The following KCNQ5 variants were observed in gnomAD, a reference collection of about 807,000 sequenced individuals.
The protein encoded by KCNQ5 is potassium voltage-gated channel subfamily Q member 5.
A neutral mutation model predicts 98.2 loss-of-function variants in KCNQ5; 30 were observed. The observed-to-expected ratio is 0.31, with a 90% CI of 0.23 to 0.41. The LOEUF is 0.41. Among genes scored for constraint, KCNQ5 ranks in the 10% least tolerant of loss-of-function variants. The probability of loss-of-function intolerance (pLI) is 1.00; values close to 1 mark genes in which losing one functional copy is unlikely to be tolerated. For missense variants in KCNQ5, 835 were observed against 1,182.5 expected, an observed-to-expected ratio of 0.71 and a Z score of 4.31; for synonymous variants, 458 against 449.4, an observed-to-expected ratio of 1.02 and a Z score of -0.24.
rs556635430 is a variant in KCNQ5, at chr6:73,010,834, T to TA, written c.489+6837dup. Among the ~76,000 whole-genome samples, 16 of 152,136 alleles carry TA rather than the reference T, an allele frequency of 1.1e-4. No individual in the cohort carries two copies. In the East Asian group the frequency reaches 2.3e-3, roughly 22 times the overall value. ...CTTAACCAAGGAGATGAAGAACTTG[T>TA]ACAATGAAAACTACAATAACATTGC... On this transcript the variant is annotated intron_variant, in intron 2 of 13. Transcript: ENST00000370398.
chr6:72,828,630 T>C (rs1489865881), intron 1 of KCNQ5, among the ~76,000 whole-genome samples: 1 of 152,126 alleles, frequency 6.6e-6, no homozygotes, highest in African/African-American at 2.4e-5. Context: ...GTAGAGCCTT[T>C]AATTTTTCTT....
At chr6:72,995,611 G>C (rs1374233216) in intron 1 of KCNQ5, among the ~76,000 whole-genome samples, 1 of 152,164 alleles carries the variant, frequency 6.6e-6, no homozygotes, top group Non-Finnish European at 1.5e-5. Flanking sequence ...CGTGGGAGAA[G>C]AGGTACCTGA....
intron 1 of KCNQ5, among the ~76,000 whole-genome samples, chr6:72,751,680 G>A (rs983138821): frequency 1.1e-4 from 17 of 151,914 alleles, no homozygotes; most frequent in Non-Finnish European, 1.8e-4. Context: ...TTATTAAAAA[G>A]CAGCATAATT....
At position 72,733,005 on chromosome 6, in the gene KCNQ5, G is replaced by A. The variant is rs144833782; in HGVS notation, c.398+110418G>A. ...TAAAGAAGTGAAAACAGGAAGGAAA[G>A]TAGATTTTGTAGCAAAAATAAGGTG... On this transcript the variant is annotated intron_variant, in intron 1 of 13. Coordinates refer to ENST00000370398, the MANE Select transcript of KCNQ5 (RefSeq NM_019842.4). Among the ~76,000 whole-genome samples, 46 of 152,316 alleles carry A rather than the reference G, an allele frequency of 3.0e-4. No individual in the cohort carries two copies. The East Asian group carries it at 8.1e-3, about 27-fold the overall frequency.
chr6:72,808,695 C>T (rs1488533014), intron 1 of KCNQ5, among the ~76,000 whole-genome samples: 2 of 152,054 alleles, frequency 1.3e-5, no homozygotes, highest in Non-Finnish European at 2.9e-5. Context: ...TGCCTATAAT[C>T]CTAGCACTTG....
At chr6:73,125,318 G>C (rs1252751948) in intron 9 of KCNQ5, 2 of 460,614 alleles carry the variant, frequency 4.3e-6, no homozygotes, top group Non-Finnish European at 8.7e-6. Context: ...CTGTGTTAAT[G>C]AGTACCAGGA....
intron 1 of KCNQ5, chr6:72,807,002 G>A: frequency 8.5e-6 from 2 of 234,364 alleles, no homozygotes; most frequent in Middle Eastern, 1.5e-3. Context: ...CATTTCTCAT[G>A]GACATTTGTC....
chr6:72,936,355 G>A (rs1046565069), intron 1 of KCNQ5, among the ~76,000 whole-genome samples: 3 of 152,082 alleles, frequency 2.0e-5, no homozygotes, highest in African/African-American at 2.4e-5. Flanking sequence ...AAAGCTCTGT[G>A]GGGGCAAGGA....
intron 3 of KCNQ5, among the ~76,000 whole-genome samples, chr6:73,061,316 G>A (rs994412719): frequency 6.6e-6 from 1 of 152,110 alleles, no homozygotes; most frequent in Non-Finnish European, 1.5e-5. Flanking sequence ...GAAACGGGTA[G>A]GAGTAAGATT....
At chr6:73,012,265 C>A (rs932456418) in intron 2 of KCNQ5, among the ~76,000 whole-genome samples, 21 of 151,626 alleles carry the variant, frequency 1.4e-4, no homozygotes, top group African/African-American at 5.1e-4. Context: ...CATATACATA[C>A]AAAAAAAGTA....
intron 3 of KCNQ5, chr6:73,055,343 C>A (rs117541018): frequency 2.8e-6 from 4 of 1,437,354 alleles, no homozygotes; most frequent in African/African-American, 1.4e-5. Context: ...GAGGACTTGG[C>A]GCCTCAATGA....
At chr6:72,954,475 G>C (rs990318705) in intron 1 of KCNQ5, among the ~76,000 whole-genome samples, 1 of 151,904 alleles carries the variant, frequency 6.6e-6, no homozygotes, top group African/African-American at 2.4e-5. Context: ...TACTTCTGTG[G>C]ATAAGAAATT....
intron 1 of KCNQ5, among the ~76,000 whole-genome samples, chr6:72,635,670 G>GTTTTTTTTTTTTTTTTTT (rs528990234): frequency 1.8e-4 from 12 of 65,070 alleles, no homozygotes; most frequent in South Asian, 5.7e-4. Flanking sequence ...ATTGCTCCTA[G>GTTTTTTTTTTTTTTTTTT]TTTTTTTTTT....
chr6:72,644,832 C>A (rs1765505009), intron 1 of KCNQ5, among the ~76,000 whole-genome samples: 1 of 152,232 alleles, frequency 6.6e-6, no homozygotes, highest in Middle Eastern at 3.4e-3. Flanking sequence ...CAAGCCAGTG[C>A]ATTTTCTGAA....
At chr6:72,767,436 T>G (rs1264787969) in intron 1 of KCNQ5, among the ~76,000 whole-genome samples, 1 of 151,926 alleles carries the variant, frequency 6.6e-6, no homozygotes, top group Non-Finnish European at 1.5e-5. Flanking sequence ...GAGAAAGAAT[T>G]ATTAAATATG....
chr6:72,802,528 T>G (rs1774715022), intron 1 of KCNQ5, among the ~76,000 whole-genome samples: 4 of 152,292 alleles, frequency 2.6e-5, no homozygotes, highest in South Asian at 2.1e-4. Context: ...GTCCCTCATG[T>G]GGGCAAAGCA....
intron 1 of KCNQ5, among the ~76,000 whole-genome samples, chr6:72,899,277 C>T (rs1408379323): frequency 6.6e-6 from 1 of 152,104 alleles, no homozygotes; most frequent in Non-Finnish European, 1.5e-5. Context: ...TTCTAATAAC[C>T]ATATACTATT....
intron 1 of KCNQ5, among the ~76,000 whole-genome samples, chr6:72,877,881 C>G (rs1443073340): frequency 6.6e-6 from 1 of 152,176 alleles, no homozygotes; most frequent in Non-Finnish European, 1.5e-5. Flanking sequence ...ACCACAGACT[C>G]CTTGAATTTT....
intron 1 of KCNQ5, among the ~76,000 whole-genome samples, chr6:72,767,275 G>A (rs993940018): frequency 6.6e-6 from 1 of 151,910 alleles, no homozygotes; most frequent in African/African-American, 2.4e-5. Flanking sequence ...TAGGGTAACT[G>A]GATAGCCACA....
Sources: gnomAD v4.1 joint callset for allele counts (sites outside exome capture counted in the v4.1 genomes callset) on GRCh38, gnomAD v4.1.1 for gene constraint, MANE v1.5 for transcripts, NCBI Gene and HGNC (gene_info 2026-07-23, HGNC 2026-07-21) for gene names.